SESTD1: variants seen among roughly 807,000 people sequenced by gnomAD.
SESTD1 encodes SEC14 domain and spectrin repeat-containing protein 1.
Under a neutral mutation model 101.7 loss-of-function variants are expected in SESTD1, and 43 were observed. The observed-to-expected ratio is 0.42, with a 90% CI of 0.33 to 0.55. The LOEUF (loss-of-function observed/expected upper bound fraction) is 0.55. Ranked by LOEUF, SESTD1 falls within the 20% of genes least tolerant of loss-of-function variation. SESTD1 has a pLI of 0.07. For synonymous variants in SESTD1, 283 were observed against 286.8 expected, an observed-to-expected ratio of 0.99 and a Z score of 0.13; for missense variants, 647 against 815.1, an observed-to-expected ratio of 0.79 and a Z score of 2.51.
At chr2:179,204,591 C>T in intron 1 of SESTD1, among the ~76,000 whole-genome samples, 1 of 134,702 alleles carries the variant, frequency 7.4e-6, no homozygotes, top group East Asian at 2.0e-4. Context: ...TCTATGCTCC[C>T]AGGTTGCAGT....
At chr2:179,138,915 C>T (rs2045217659) in intron 9 of SESTD1, among the ~76,000 whole-genome samples, 1 of 145,126 alleles carries the variant, frequency 6.9e-6, no homozygotes, top group Admixed American at 7.0e-5. Context: ...TCCACAAGGA[C>T]ATCTGTCCAG....
chr2:179,160,436 T>G (rs1399499039), intron 5 of SESTD1, among the ~76,000 whole-genome samples: 1 of 151,916 alleles, frequency 6.6e-6, no homozygotes, highest in Non-Finnish European at 1.5e-5. Context: ...GCACAAATAT[T>G]TAAAAGTACA....
chr2:179,144,118 A>G (rs1195883203), intron 8 of SESTD1, among the ~76,000 whole-genome samples: 2 of 151,750 alleles, frequency 1.3e-5, no homozygotes, highest in Non-Finnish European at 2.9e-5. Context: ...CATACGGTTT[A>G]TATTTTTTTT....
rs897484024 is a variant in SESTD1 at position 179,108,523 on chromosome 2, C to G, written c.*1376G>C. The G allele has an allele frequency of 2.6e-5, 4 of 151,738 alleles. No homozygotes were observed. The highest frequency in any genetic ancestry group is 7.3e-5 in the African/African-American group (3 of 41,344). 9.4% of individuals were successfully genotyped at this position (151,738 alleles called of 1,614,324 possible). ...AGTGAGTGATGAGGATGTAGGGGCA[C>G]TGGATGTGGATTTCTCCAAGAAGTC... is the stretch of plus-strand genomic sequence containing the variant. On this transcript the variant is annotated 3_prime_UTR_variant, in exon 18 of 18. Transcript: ENST00000428443.
At chr2:179,229,240 C>CCATTA (rs1307396765) in intron 1 of SESTD1, among the ~76,000 whole-genome samples, 1 of 152,116 alleles carries the variant, frequency 6.6e-6, no homozygotes, top group Admixed American at 6.6e-5. Flanking sequence ...ATAGGTAAAG[C>CCATTA]CATTACTTTC....
At chr2:179,169,376 C>CT (rs1170476369) in intron 5 of SESTD1, among the ~76,000 whole-genome samples, 1 of 151,898 alleles carries the variant, frequency 6.6e-6, no homozygotes, top group African/African-American at 2.4e-5. Flanking sequence ...AAATTGGGCC[C>CT]TACTCACCAA....
At chr2:179,177,656 A>C (rs1206283340) in intron 3 of SESTD1, among the ~76,000 whole-genome samples, 1 of 152,208 alleles carries the variant, frequency 6.6e-6, no homozygotes, top group African/African-American at 2.4e-5. Flanking sequence ...GGAACAGCCA[A>C]GCACTGAAGC....
chr2:179,131,436 T>G (rs1411496047), intron 10 of SESTD1, among the ~76,000 whole-genome samples: 1 of 152,198 alleles, frequency 6.6e-6, no homozygotes, highest in Non-Finnish European at 1.5e-5. Flanking sequence ...GAAATTAATG[T>G]TCCGACGGTA....
intron 13 of SESTD1, 43 bp downstream of exon 13, chr2:179,121,727 T>C (rs762333992): frequency 1.4e-6 from 2 of 1,479,782 alleles, no homozygotes; most frequent in South Asian, 1.4e-5. Flanking sequence ...TTAACTAATA[T>C]TGTTATTATT....
At chr2:179,161,959 A>G (rs2045744357) in intron 5 of SESTD1, among the ~76,000 whole-genome samples, 1 of 152,198 alleles carries the variant, frequency 6.6e-6, no homozygotes, top group Non-Finnish European at 1.5e-5. Flanking sequence ...AGACATCTTG[A>G]TATGCTACAT....
chr2:179,106,389 T>C lies in SESTD1; in HGVS notation c.*3510A>G, dbSNP rs781581768. The C allele has an allele frequency of 6.6e-6, 1 of 152,276 alleles. No individual in the cohort carries two copies. The highest frequency in any genetic ancestry group is 3.4e-3 in the Middle Eastern group (1 of 294). 9.4% of individuals were successfully genotyped at this position (152,276 alleles called of 1,614,324 possible). On this transcript the variant is annotated 3_prime_UTR_variant, in exon 18 of 18. Coordinates refer to ENST00000428443, the MANE Select transcript of SESTD1 (RefSeq NM_178123.5). ...AGTACATAATAATGCCCAATCTCTA[T>C]TAGCAAGTAACTTACAATGTAGTAG...
At chr2:179,135,848 A>C (rs1453845410) in intron 9 of SESTD1, among the ~76,000 whole-genome samples, 1 of 152,194 alleles carries the variant, frequency 6.6e-6, no homozygotes, top group East Asian at 1.9e-4. Context: ...AAGTGCTATA[A>C]CTTTCTATTG....
At chr2:179,189,570 G>A (rs1013691725) in intron 2 of SESTD1, among the ~76,000 whole-genome samples, 1 of 152,048 alleles carries the variant, frequency 6.6e-6, no homozygotes, top group Admixed American at 6.6e-5. Context: ...GTCCTAGCAA[G>A]AACCATCAGG....
intron 1 of SESTD1, among the ~76,000 whole-genome samples, chr2:179,229,749 T>TTTATATATATATATATATA (rs1491118463): frequency 9.4e-6 from 1 of 106,362 alleles, no homozygotes; most frequent in African/African-American, 3.3e-5. Flanking sequence ...TTGTAAGAAC[T>TTTATATATATATATATATA]TATATATATA....
intron 1 of SESTD1, among the ~76,000 whole-genome samples, chr2:179,229,807 A>ACACACT: frequency 6.8e-6 from 1 of 146,312 alleles, no homozygotes; most frequent in African/African-American, 2.5e-5. Flanking sequence ...ACACACACAC[A>ACACACT]CACACACACA....
At chr2:179,219,875 T>C (rs944350957) in intron 1 of SESTD1, among the ~76,000 whole-genome samples, 3 of 152,346 alleles carry the variant, frequency 2.0e-5, no homozygotes, top group East Asian at 1.9e-4. Flanking sequence ...TCCAAATGTA[T>C]AGCTCCTCTA....
chr2:179,221,945 A>AC (rs1459399413), intron 1 of SESTD1, among the ~76,000 whole-genome samples: 2 of 152,148 alleles, frequency 1.3e-5, no homozygotes, highest in Non-Finnish European at 2.9e-5. Flanking sequence ...AAAACAAAAA[A>AC]CAACATATAT....
chr2:179,124,306 G>C, intron 11 of SESTD1, 58 bp downstream of exon 11: 1 of 1,487,444 alleles, frequency 6.7e-7, no homozygotes, highest in Non-Finnish European at 9.1e-7. Flanking sequence ...AAAAAATTAC[G>C]TGTAGGTAAG....
intron 1 of SESTD1, among the ~76,000 whole-genome samples, chr2:179,223,723 C>A (rs1017920675): frequency 2.0e-5 from 3 of 151,734 alleles, no homozygotes; most frequent in African/African-American, 4.8e-5. Context: ...AAAACAATGA[C>A]AATAAAAGAC....
Sources: gnomAD v4.1 joint callset for allele counts (sites outside exome capture counted in the v4.1 genomes callset) on GRCh38, gnomAD v4.1.1 for gene constraint, MANE v1.5 for transcripts, NCBI Gene and HGNC (gene_info 2026-07-23, HGNC 2026-07-21) for gene names.